The following SH3BP2 variants were observed in gnomAD, a reference collection of about 807,000 sequenced individuals.
SH3BP2 encodes the protein SH3 domain binding protein 2.
Under a neutral mutation model 56.2 loss-of-function variants are expected in SH3BP2, and 38 were observed. The ratio of observed to expected loss-of-function variants is 0.68; its 90% CI spans 0.52 to 0.89. The LOEUF is 0.89. Among genes scored for constraint, SH3BP2 ranks in the 40% least tolerant of loss-of-function variants. The pLI is 0.00. For missense variants in SH3BP2, 748 were observed against 762.6 expected, an observed-to-expected ratio of 0.98 and a Z score of 0.23; for synonymous variants, 346 against 316.7, an observed-to-expected ratio of 1.09 and a Z score of -0.98.
chr4:2,798,913 C>T (rs900069443), intron 1 of SH3BP2: 4 of 907,582 alleles, frequency 4.4e-6, no homozygotes, highest in Non-Finnish European at 4.0e-6. Context: ...AGTGCAGCCT[C>T]ATGGGATGCG....
At position 2,823,359 on chromosome 4, in the gene SH3BP2, C is replaced by T. The variant is rs112966194; in HGVS notation, c.239+322C>T. The stretch of plus-strand genomic sequence containing the variant: ...GACTTCTGCATCTCTCCTCCCTCCC[C>T]ACCTTGCCCCTTCACCCACCATGAC... On this transcript the variant is annotated intron_variant, in intron 3 of 12. Transcript: ENST00000503393. 2.8e-3 allele frequency: 1,367 copies of T among 492,312 alleles called. 15 individuals carry two copies. Among genetic ancestry groups the T allele is most frequent in the African/African-American group, 0.024 (1,246 of 51,620 alleles). 30.5% of individuals were successfully genotyped at this position (492,312 alleles called of 1,614,324 possible).
chr4:2,834,142 C>A lies in SH3BP2; in HGVS notation c.*308C>A. ...CCAAGGACAGGAACACTGGTCCCCCCATCACACTCACCCCTAAGTGGGCTG... is the reference window on the plus strand; with the variant it reads ...CCAAGGACAGGAACACTGGTCCCCCAATCACACTCACCCCTAAGTGGGCTG... On this transcript the variant is annotated 3_prime_UTR_variant, in exon 13 of 13. Transcript: ENST00000503393. 2.7e-6 allele frequency: 1 copy of A among 363,996 alleles called. No individual in the cohort carries two copies. 22.5% of individuals were successfully genotyped at this position (363,996 alleles called of 1,614,324 possible). A position where few individuals can be genotyped will look rare whatever the true frequency, so the allele number is the denominator to read the frequency against.
intron 5 of SH3BP2, among the ~76,000 whole-genome samples, chr4:2,825,440 G>A (rs1404179994): frequency 2.6e-5 from 4 of 151,662 alleles, no homozygotes; most frequent in East Asian, 3.9e-4. Context: ...CAAGCAACAC[G>A]CGGACATGCA....
chr4:2,811,047 G>T (rs1466293011), intron 1 of SH3BP2, among the ~76,000 whole-genome samples: 1 of 152,202 alleles, frequency 6.6e-6, no homozygotes. Context: ...TGCTAAGGAG[G>T]CCCCAGACCT....
chr4:2,823,822 C>T (rs1013764142), intron 3 of SH3BP2, among the ~76,000 whole-genome samples: 3 of 152,238 alleles, frequency 2.0e-5, no homozygotes, highest in Admixed American at 6.5e-5. Context: ...TGACTCTAGG[C>T]CCCGGCCTGC....
At position 2,834,414 on chromosome 4, in the gene SH3BP2, G is replaced by T. The variant is rs1725162045; in HGVS notation, c.*580G>T. ...AACAGTTGGTTGTCTTGTCTTCCAG[G>T]GTGCAGGTCACTGAGTGACTTCCCC... On this transcript the variant is annotated 3_prime_UTR_variant, in exon 13 of 13. Transcript: ENST00000503393. 6.5e-6 allele frequency: 1 copy of T among 153,546 alleles called. No homozygotes were observed. Among genetic ancestry groups the T allele is most frequent in the Non-Finnish European group, 1.4e-5 (1 of 69,028 alleles). The allele number at this position is 153,546 out of a possible 1,614,324, so 9.5% of individuals were successfully genotyped here.
intron 7 of SH3BP2, among the ~76,000 whole-genome samples, chr4:2,827,958 G>A (rs1397644162): frequency 2.0e-5 from 3 of 152,188 alleles, no homozygotes; most frequent in African/African-American, 7.2e-5. Context: ...CATGGGGAAG[G>A]AAGGACGCTG....
chr4:2,812,351 CAT>C, intron 1 of SH3BP2: 1 of 1,550,176 alleles, frequency 6.5e-7, no homozygotes, highest in Non-Finnish European at 8.7e-7. Flanking sequence ...TCAGGCCTCA[CAT>C]GTCTGGGAGA....
intron 4 of SH3BP2, 93 bp downstream of exon 4, chr4:2,824,823 G>C (rs1724509939): frequency 4.0e-6 from 4 of 994,084 alleles, no homozygotes; most frequent in Admixed American, 1.7e-5. Flanking sequence ...GCTGGTCCTG[G>C]GGCGCTGGCC....
intron 1 of SH3BP2, among the ~76,000 whole-genome samples, chr4:2,800,809 C>G (rs538480015): frequency 1.3e-5 from 2 of 152,184 alleles, no homozygotes; most frequent in South Asian, 4.1e-4. Flanking sequence ...GTGACCTGGC[C>G]GGGGGCAGAA....
At chr4:2,804,145 C>A (rs1225211778) in intron 1 of SH3BP2, among the ~76,000 whole-genome samples, 1 of 152,184 alleles carries the variant, frequency 6.6e-6, no homozygotes, top group Admixed American at 6.5e-5. Context: ...GTTTCCTCAG[C>A]TGCCTGGTGG....
At chr4:2,800,559 C>CCT (rs34021594) in intron 1 of SH3BP2, among the ~76,000 whole-genome samples, 2 of 149,936 alleles carry the variant, frequency 1.3e-5, no homozygotes, top group Non-Finnish European at 3.0e-5. Flanking sequence ...GCCCCCCCCC[C>CCT]GGGCTGATGA....
intron 2 of SH3BP2, among the ~76,000 whole-genome samples, chr4:2,821,130 T>G (rs1724282896): frequency 6.6e-6 from 1 of 152,128 alleles, no homozygotes; most frequent in African/African-American, 2.4e-5. Flanking sequence ...CCTGGCTGGG[T>G]GCTGGACCTC....
intron 1 of SH3BP2, among the ~76,000 whole-genome samples, chr4:2,802,764 G>C (rs1002253481): frequency 4.0e-5 from 6 of 149,996 alleles, no homozygotes; most frequent in Admixed American, 2.7e-4. Flanking sequence ...ATGCATTAAG[G>C]CAGCAGAAAG....
chr4:2,824,862 G>A, intron 4 of SH3BP2, 132 bp downstream of exon 4: 1 of 761,654 alleles, frequency 1.3e-6, no homozygotes, highest in Admixed American at 2.0e-5. Flanking sequence ...AGAAGGTGTG[G>A]CTGGGACACA....
intron 3 of SH3BP2, chr4:2,823,279 T>G: frequency 1.7e-6 from 1 of 580,008 alleles, no homozygotes; most frequent in Non-Finnish European, 3.2e-6. Context: ...TGTGCACAAG[T>G]CCCAGAGGCC....
At position 2,835,249 on chromosome 4, in the gene SH3BP2, G is replaced by A. The variant is rs1725191618; in HGVS notation, c.*1415G>A. 1 of 152,392 alleles carries A rather than the reference G, an allele frequency of 6.6e-6. No individual in the cohort carries two copies. Among genetic ancestry groups the A allele is most frequent in the South Asian group, 2.1e-4 (1 of 4,828 alleles). 9.4% of individuals were successfully genotyped at this position (152,392 alleles called of 1,614,324 possible). On this transcript the variant is annotated 3_prime_UTR_variant, in exon 13 of 13. Coordinates refer to ENST00000503393, the MANE Select transcript of SH3BP2 (RefSeq NM_001122681.2). ...AGCCCCCTTCCCCTGGGTGTGTTCT[G>A]GGGACCTGTGGTTTGCTGGCGGAAA...
intron 7 of SH3BP2, among the ~76,000 whole-genome samples, chr4:2,828,092 A>T (rs1724772826): frequency 6.7e-6 from 1 of 149,112 alleles, no homozygotes; most frequent in African/African-American, 2.5e-5. Context: ...TACCTCCTGC[A>T]GCACATGGCC....
chr4:2,827,538 C>A, intron 6 of SH3BP2, 68 bp from the exon 7 acceptor site: 1 of 1,491,502 alleles, frequency 6.7e-7, no homozygotes, highest in Non-Finnish European at 9.2e-7. Flanking sequence ...CAGCCCCATG[C>A]ATGGAGCATT....
Sources: gnomAD v4.1 joint callset for allele counts (sites outside exome capture counted in the v4.1 genomes callset) on GRCh38, gnomAD v4.1.1 for gene constraint, MANE v1.5 for transcripts, NCBI Gene and HGNC (gene_info 2026-07-23, HGNC 2026-07-21) for gene names.